GOLM2: variants seen among roughly 807,000 people sequenced by gnomAD.
GOLM2 encodes the protein protein GOLM2.
A neutral mutation model predicts 55.9 loss-of-function variants in GOLM2; 26 were observed. The observed-to-expected ratio is 0.47, with a 90% CI of 0.34 to 0.65. The LOEUF (loss-of-function observed/expected upper bound fraction) is 0.65. Among genes scored for constraint, GOLM2 ranks in the 30% least tolerant of loss-of-function variants. The pLI, the probability that GOLM2 is intolerant of heterozygous loss-of-function variation, is 0.01. For missense variants in GOLM2, 486 were observed against 531.8 expected (o/e 0.91, Z 0.85); for synonymous variants, 165 against 194.6 (o/e 0.85, Z 1.27).
At chr15:44,334,133 C>A (rs961611869) in intron 4 of GOLM2, among the ~76,000 whole-genome samples, 2 of 152,154 alleles carry the variant, frequency 1.3e-5, no homozygotes, top group Admixed American at 6.5e-5. Context: ...TTAACTAATG[C>A]TTCTCCAATT....
At chr15:44,369,625 C>A (rs2079315865) in intron 6 of GOLM2, among the ~76,000 whole-genome samples, 2 of 150,090 alleles carry the variant, frequency 1.3e-5, no homozygotes, top group African/African-American at 4.9e-5. Context: ...AGTTTGAGAC[C>A]AGCCTGTATG....
rs915703773 is a variant in GOLM2 at position 44,326,910 on chromosome 15, C to T, written c.383-1775C>T. ...CATGTGATCCACCCTTCTCGGCCCC[C>T]CAAAGTGCTGGTATTACAGGTGTGA... is the stretch of plus-strand genomic sequence containing the variant. On this transcript the variant is annotated intron_variant, in intron 2 of 9. Transcript: ENST00000299957. Among the ~76,000 whole-genome samples, 42 of 151,068 alleles carry T rather than the reference C, an allele frequency of 2.8e-4. No homozygotes were observed. The South Asian group carries it at 4.8e-3, about 17-fold the overall frequency.
At chr15:44,383,667 CTTTTTTTCTTTTTT>C (rs965941343) in intron 8 of GOLM2, among the ~76,000 whole-genome samples, 2 of 141,582 alleles carry the variant, frequency 1.4e-5, no homozygotes, top group Non-Finnish European at 3.1e-5. Context: ...TTTTCTTTTT[CTTTTTTTCTTTTTT>C]TTTTTTTTTT....
At chr15:44,374,700 A>G (rs1250782745) in intron 6 of GOLM2, among the ~76,000 whole-genome samples, 1 of 152,164 alleles carries the variant, frequency 6.6e-6, no homozygotes, top group Non-Finnish European at 1.5e-5. Context: ...GGAAGGTGCC[A>G]TACACTTTTA....
At chr15:44,380,401 T>C (rs1006868925) in intron 7 of GOLM2, among the ~76,000 whole-genome samples, 2 of 152,164 alleles carry the variant, frequency 1.3e-5, no homozygotes, top group Non-Finnish European at 2.9e-5. Flanking sequence ...TGTGAGTCAC[T>C]GTATAGTGAA....
In GOLM2 at chr15:44,289,069, C is replaced by T; in HGVS notation, c.40C>T (p.Pro14Ser). 3 of 1,613,966 alleles carry T rather than the reference C, an allele frequency of 1.9e-6. No homozygotes were observed. The highest frequency in any genetic ancestry group is 2.5e-6 in the Non-Finnish European group (3 of 1,179,940). ...FGANRRAGRL[P>S]SLVLVVLLVV... ...GGCCAACCGGCGGGCTGGCCGCCTG[C>T]CCTCTCTCGTGCTGGTGGTGCTGCT... Residue 14 changes from proline (P) to serine (S), a missense_variant, in exon 1 of 10, where the codon CCC becomes TCC. By Grantham distance (74) the Pro-to-Ser change is moderately conservative (BLOSUM62 -1). Transcript: ENST00000299957. The surrounding 1 kb of genome is among the most constrained non-coding windows in gnomAD (Gnocchi z 4.8).
At chr15:44,345,408 G>A (rs781326091) in intron 6 of GOLM2, among the ~76,000 whole-genome samples, 7 of 151,986 alleles carry the variant, frequency 4.6e-5, no homozygotes, top group Admixed American at 1.3e-4. Context: ...ACAGGTGCCC[G>A]CCACCACGCC....
At chr15:44,413,137 T>C (rs1300250103) in intron 9 of GOLM2, among the ~76,000 whole-genome samples, 199 bp from the exon 10 acceptor site, 1 of 152,226 alleles carries the variant, frequency 6.6e-6, no homozygotes, top group African/African-American at 2.4e-5. Context: ...TCTAAAGATT[T>C]GTTAAAATTA....
intron 1 of GOLM2, among the ~76,000 whole-genome samples, chr15:44,297,977 C>T (rs991763162): frequency 1.1e-4 from 16 of 150,894 alleles, no homozygotes; most frequent in Non-Finnish European, 1.8e-4. Flanking sequence ...AAGCGACTCT[C>T]CTGCCTCAGC....
intron 8 of GOLM2, among the ~76,000 whole-genome samples, chr15:44,392,926 T>C (rs369071530): frequency 2.6e-5 from 4 of 152,170 alleles, no homozygotes; most frequent in Non-Finnish European, 5.9e-5. Flanking sequence ...ATGACAAATA[T>C]CAAATTTAAT....
At chr15:44,402,589 G>T in intron 8 of GOLM2, 1 of 272,366 alleles carries the variant, frequency 3.7e-6, no homozygotes, top group Non-Finnish European at 7.1e-6. Context: ...AGAAGTCATT[G>T]GTTATTAGGA....
At chr15:44,375,776 T>G (rs1264844532) in intron 6 of GOLM2, among the ~76,000 whole-genome samples, 1 of 151,980 alleles carries the variant, frequency 6.6e-6, no homozygotes, top group African/African-American at 2.4e-5. Context: ...GCAAGACTTC[T>G]CAAAAAAATT....
intron 2 of GOLM2, among the ~76,000 whole-genome samples, chr15:44,326,909 C>T (rs1482783024): frequency 6.6e-6 from 1 of 151,080 alleles, no homozygotes; most frequent in Non-Finnish European, 1.5e-5. Flanking sequence ...TTCTCGGCCC[C>T]CCAAAGTGCT....
chr15:44,303,081 C>T (rs932058805), intron 1 of GOLM2, among the ~76,000 whole-genome samples: 17 of 149,532 alleles, frequency 1.1e-4, no homozygotes, highest in African/African-American at 3.2e-4. Flanking sequence ...CTAGCCTGGG[C>T]GACAGAGCAA....
chr15:44,334,827 C>G (rs1056916307), intron 4 of GOLM2, among the ~76,000 whole-genome samples: 2 of 152,162 alleles, frequency 1.3e-5, no homozygotes, highest in African/African-American at 2.4e-5. Context: ...GTCAGGAGTT[C>G]GAGACCAACC....
At chr15:44,402,817 C>G in intron 8 of GOLM2, 70 bp from the exon 9 acceptor site, 1 of 1,496,002 alleles carries the variant, frequency 6.7e-7, no homozygotes. Flanking sequence ...ACTTTCTGGT[C>G]TGCCTTCCGT....
intron 1 of GOLM2, among the ~76,000 whole-genome samples, chr15:44,300,462 G>A (rs2078790111): frequency 6.6e-6 from 1 of 151,978 alleles, no homozygotes; most frequent in South Asian, 2.1e-4. Context: ...TCCTGATAAA[G>A]GACTGAGTAA....
At chr15:44,329,735 G>T (rs532391224) in intron 3 of GOLM2, among the ~76,000 whole-genome samples, 1 of 151,682 alleles carries the variant, frequency 6.6e-6, no homozygotes, top group South Asian at 2.1e-4. Flanking sequence ...CTCTGTCTCT[G>T]AAAAAAATTT....
chr15:44,406,535 T>C (rs1369699241), intron 9 of GOLM2: 1 of 152,206 alleles, frequency 6.6e-6, no homozygotes, highest in African/African-American at 2.4e-5. Flanking sequence ...CTTTCTCAGT[T>C]TTAAAATTCT....
Sources: gnomAD v4.1 joint callset for allele counts (sites outside exome capture counted in the v4.1 genomes callset) on GRCh38, gnomAD v4.1.1 for gene constraint, Gnocchi (gnomAD v3.1) non-coding constraint, MANE v1.5 for transcripts, NCBI Gene and HGNC (gene_info 2026-07-23, HGNC 2026-07-21) for gene names.